Variants in NBAS observed in about 807,000 individuals in gnomAD.
NBAS encodes NAG/BC035112 fusion.
In NBAS, 219 loss-of-function variants were observed where a neutral mutation model predicts 302.5. The ratio of observed to expected loss-of-function variants is 0.72; its 90% CI spans 0.65 to 0.81. The LOEUF (loss-of-function observed/expected upper bound fraction) is 0.81. Ranked by LOEUF, NBAS falls within the 30% of genes least tolerant of loss-of-function variation. NBAS has a pLI of 0.00. For synonymous variants in NBAS, 1,118 were observed against 1,021.6 expected (o/e 1.09, Z -1.80); for missense variants, 2,932 against 2,841.6 (o/e 1.03, Z -0.72).
At chr2:15,320,573 C>T (rs1262037284) in intron 38 of NBAS, among the ~76,000 whole-genome samples, 1 of 152,108 alleles carries the variant, frequency 6.6e-6, no homozygotes, top group Non-Finnish European at 1.5e-5. Context: ...AATCAAGGTG[C>T]AAAAATCACA....
chr2:15,164,082 C>T (rs1329772818), downstream of NBAS, among the ~76,000 whole-genome samples: 2 of 152,204 alleles, frequency 1.3e-5, no homozygotes, highest in African/African-American at 2.4e-5. Context: ...CAGGTGTGAG[C>T]CTCTATGCCC....
At chr2:15,540,991 T>G (rs990501133) in intron 6 of NBAS, among the ~76,000 whole-genome samples, 2 of 152,184 alleles carry the variant, frequency 1.3e-5, no homozygotes, top group African/African-American at 4.8e-5. Flanking sequence ...CCCAAAGTGC[T>G]GGAATTACAG....
At chr2:14,982,568 A>G in the NBAS span, among the ~76,000 whole-genome samples, 29 of 152,284 alleles carry the variant, frequency 1.9e-4, no homozygotes, top group Non-Finnish European at 1.2e-4. Context: ...GAGGGTATCT[A>G]GAGAGAAAAA....
the NBAS span, among the ~76,000 whole-genome samples, chr2:14,884,943 G>A: frequency 6.6e-6 from 1 of 152,166 alleles, no homozygotes; most frequent in South Asian, 2.1e-4. Context: ...GTAAGAGGAG[G>A]AAAGAAGCCC....
chr2:14,878,205 T>C, the NBAS span, among the ~76,000 whole-genome samples: 1 of 152,134 alleles, frequency 6.6e-6, no homozygotes, highest in Non-Finnish European at 1.5e-5. Flanking sequence ...CAAACAGACT[T>C]TAAGATGAGT....
chr2:15,456,705 G>C (rs1313078639), intron 21 of NBAS, among the ~76,000 whole-genome samples: 1 of 152,140 alleles, frequency 6.6e-6, no homozygotes, highest in East Asian at 1.9e-4. Flanking sequence ...TGCTATTTCA[G>C]AAGGGGAAAC....
At chr2:15,087,258 C>CACACACACACA in the NBAS span, among the ~76,000 whole-genome samples, 41 of 131,386 alleles carry the variant, frequency 3.1e-4, no homozygotes, top group African/African-American at 1.3e-3. Flanking sequence ...ACACACACAC[C>CACACACACACA]CCATATTGGT....
At chr2:14,794,059 T>C in the NBAS span, among the ~76,000 whole-genome samples, 11 of 152,272 alleles carry the variant, frequency 7.2e-5, no homozygotes, top group Non-Finnish European at 1.6e-4. Context: ...CTAAAAAAAA[T>C]TCTTCAAACA....
chr2:15,106,557 C>T, the NBAS span, among the ~76,000 whole-genome samples: 1 of 151,868 alleles, frequency 6.6e-6, no homozygotes, highest in East Asian at 1.9e-4. Context: ...GGATGAAGTT[C>T]AAACTCCACC....
chr2:15,411,764 C>G (rs1301475456), intron 25 of NBAS, among the ~76,000 whole-genome samples: 1 of 152,158 alleles, frequency 6.6e-6, no homozygotes, highest in Non-Finnish European at 1.5e-5. Context: ...AACGCATACT[C>G]CAGGATGCTT....
intron 26 of NBAS, among the ~76,000 whole-genome samples, chr2:15,399,691 C>G (rs935334836): frequency 6.6e-6 from 1 of 151,972 alleles, no homozygotes; most frequent in Non-Finnish European, 1.5e-5. Flanking sequence ...AGAACATACC[C>G]TAAAGGTCTG....
At chr2:15,275,334 C>G (rs1669523202) in intron 44 of NBAS, 150 bp downstream of exon 44, 1 of 866,622 alleles carries the variant, frequency 1.2e-6, no homozygotes, top group South Asian at 1.8e-5. Flanking sequence ...ATTAAAACAC[C>G]TCATTCACAG....
the NBAS span, among the ~76,000 whole-genome samples, chr2:14,949,584 T>C: frequency 1.3e-5 from 2 of 152,092 alleles, no homozygotes; most frequent in Non-Finnish European, 2.9e-5. Flanking sequence ...CTATTCAAAA[T>C]AGTCAAAATA....
chr2:14,960,916 AG>A, the NBAS span, among the ~76,000 whole-genome samples: 1 of 152,286 alleles, frequency 6.6e-6, no homozygotes, highest in Non-Finnish European at 1.5e-5. Context: ...TTGAGGTAGA[AG>A]GAAGTTACCA....
In NBAS at chr2:15,458,482, C is replaced by A. The variant is rs1679349446; in HGVS notation, c.2339+2719G>T. Among the ~76,000 whole-genome samples, 4 of 152,214 alleles carry A rather than the reference C, an allele frequency of 2.6e-5. No individual in the cohort carries two copies. The South Asian group carries it at 8.3e-4, about 32-fold the overall frequency. ...TAAGTGAGTTCTCACTCAGTTAGTT[C>A]CAGTTGTTTAAGAGTCTGGGACCTC... is the stretch of plus-strand genomic sequence containing the variant. On this transcript the variant is annotated intron_variant, in intron 21 of 51. Transcript: ENST00000281513.
At chr2:15,028,516 A>G in the NBAS span, among the ~76,000 whole-genome samples, 1 of 152,206 alleles carries the variant, frequency 6.6e-6, no homozygotes, top group African/African-American at 2.4e-5. Context: ...TTCCTGCTTA[A>G]AACTTTTGAA....
intron 35 of NBAS, among the ~76,000 whole-genome samples, chr2:15,334,604 G>C (rs1672496359): frequency 6.6e-6 from 1 of 152,074 alleles, no homozygotes; most frequent in African/African-American, 2.4e-5. Context: ...TTATTTTTCT[G>C]TGTTATAAAA....
chr2:14,882,803 A>G, the NBAS span, among the ~76,000 whole-genome samples: 4 of 152,312 alleles, frequency 2.6e-5, no homozygotes, highest in South Asian at 2.1e-4. Flanking sequence ...ATCAAATGCC[A>G]TGTTTATAGT....
At chr2:15,305,640 C>T (rs1442807016) in intron 40 of NBAS, among the ~76,000 whole-genome samples, 9 of 151,564 alleles carry the variant, frequency 5.9e-5, no homozygotes, top group East Asian at 3.9e-4. Context: ...TTAGTAGAGG[C>T]GGGGTTTCAC....
Sources: allele counts gnomAD v4.1 joint callset (sites outside exome capture counted in the v4.1 genomes callset), GRCh38; gene constraint gnomAD v4.1.1; transcripts MANE v1.5; gene names NCBI Gene and HGNC (gene_info 2026-07-23, HGNC 2026-07-21).